STXBP3: variants seen among roughly 807,000 people sequenced by gnomAD.
The protein encoded by STXBP3 is syntaxin binding protein 3.
A neutral mutation model predicts 85.7 loss-of-function variants in STXBP3; 41 were observed. That is an observed-to-expected ratio of 0.48 (90% CI 0.37 to 0.62). The LOEUF is 0.62. STXBP3 is among the 20% of genes least tolerant of loss of function. The pLI is 0.00. For missense variants in STXBP3, 563 were observed against 703.1 expected, an observed-to-expected ratio of 0.80 and a Z score of 2.25; for synonymous variants, 229 against 231.7, an observed-to-expected ratio of 0.99 and a Z score of 0.10.
chr1:108,753,300 T>A, intron 3 of STXBP3, 156 bp downstream of exon 3: 1 of 466,152 alleles, frequency 2.1e-6, no homozygotes, highest in Non-Finnish European at 3.6e-6. Flanking sequence ...CTGAATCTTC[T>A]GTCAGTTTTT....
chr1:108,777,359 T>A (rs1344205850), intron 8 of STXBP3, among the ~76,000 whole-genome samples: 2 of 152,058 alleles, frequency 1.3e-5, no homozygotes, highest in African/African-American at 4.8e-5. Flanking sequence ...AGGGAGTTCA[T>A]TGCATGGAAA....
At position 108,796,381 on chromosome 1, in the gene STXBP3, G is replaced by T; in HGVS notation, c.1249+9G>T. 1 of 1,458,566 alleles carries T rather than the reference G, an allele frequency of 6.9e-7. No homozygotes were observed. The highest frequency in any genetic ancestry group is 1.2e-5 in the South Asian group (1 of 82,798). The allele number at this position is 1,458,566 out of a possible 1,614,324, so 90.4% of individuals were successfully genotyped here. On this transcript the variant is annotated intron_variant, in intron 14 of 18. Coordinates refer to ENST00000370008, the MANE Select transcript of STXBP3 (RefSeq NM_007269.4). ...TATCTTCAGTATTAATGGTAATGGA[G>T]ATAATCACTTTTTAATAAGTATTTT...
At chr1:108,758,381 A>G (rs1662063110) in intron 4 of STXBP3, 129 bp from the exon 5 acceptor site, 2 of 435,572 alleles carry the variant, frequency 4.6e-6, no homozygotes, top group Non-Finnish European at 8.1e-6. Context: ...AAATCAGTTT[A>G]TAAATTAAAC....
chr1:108,804,838 C>T (rs1407570480), intron 17 of STXBP3, among the ~76,000 whole-genome samples: 1 of 152,202 alleles, frequency 6.6e-6, no homozygotes, highest in Non-Finnish European at 1.5e-5. Context: ...CCAATCTGTA[C>T]CTTGCACAGT....
chr1:108,773,992 C>T (rs1022480915), intron 7 of STXBP3, among the ~76,000 whole-genome samples: 1 of 152,190 alleles, frequency 6.6e-6, no homozygotes, highest in African/African-American at 2.4e-5. Flanking sequence ...TCAGAGGCCT[C>T]TCTTGTGATC....
intron 17 of STXBP3, 45 bp from the exon 18 acceptor site, chr1:108,807,356 A>G (rs1416505941): frequency 1.3e-6 from 2 of 1,566,754 alleles, no homozygotes; most frequent in Non-Finnish European, 1.7e-6. Flanking sequence ...GGCTTTGGAA[A>G]TGTTTATAAC....
intron 18 of STXBP3, among the ~76,000 whole-genome samples, chr1:108,807,900 T>C (rs1663377364): frequency 6.6e-6 from 1 of 152,292 alleles, no homozygotes. Flanking sequence ...TTAAACAAAC[T>C]CTAAATGCAA....
chr1:108,802,684 A>G (rs551236017), intron 17 of STXBP3, among the ~76,000 whole-genome samples: 5 of 152,330 alleles, frequency 3.3e-5, no homozygotes, highest in South Asian at 2.1e-4. Context: ...TTGTCTGCCT[A>G]TGGTTTCCAG....
At chr1:108,799,085 G>A (rs1038692706) in intron 16 of STXBP3, among the ~76,000 whole-genome samples, 2 of 152,112 alleles carry the variant, frequency 1.3e-5, no homozygotes, top group East Asian at 1.9e-4. Context: ...CTGATTCTTC[G>A]GTCATGATCA....
At chr1:108,765,037 T>A (rs1433904674) in intron 6 of STXBP3, among the ~76,000 whole-genome samples, 1 of 152,180 alleles carries the variant, frequency 6.6e-6, no homozygotes, top group Non-Finnish European at 1.5e-5. Context: ...CTTTAATCCA[T>A]CTCGAGTTGA....
chr1:108,750,072 TC>T (rs1661869244), intron 1 of STXBP3, among the ~76,000 whole-genome samples: 1 of 152,012 alleles, frequency 6.6e-6, no homozygotes, highest in Admixed American at 6.6e-5. Flanking sequence ...ACAATGCAGT[TC>T]TAAGGTTTCA....
At chr1:108,787,220 C>T (rs963403786) in intron 11 of STXBP3, among the ~76,000 whole-genome samples, 4 of 152,116 alleles carry the variant, frequency 2.6e-5, no homozygotes, top group African/African-American at 9.7e-5. Context: ...TCCCCCCACC[C>T]TTGCCTCCCT....
chr1:108,763,512 A>G (rs371565382), intron 6 of STXBP3, among the ~76,000 whole-genome samples: 11 of 152,220 alleles, frequency 7.2e-5, no homozygotes, highest in African/African-American at 2.2e-4. Context: ...GATAAGGCAG[A>G]TGGTAACTCT....
intron 6 of STXBP3, among the ~76,000 whole-genome samples, chr1:108,770,485 C>A (rs1013179494): frequency 4.1e-5 from 3 of 72,986 alleles, no homozygotes; most frequent in African/African-American, 1.6e-4. Context: ...ATTAATACAG[C>A]ATCCTAGCCT....
chr1:108,785,970 C>G (rs1051661003), intron 11 of STXBP3, among the ~76,000 whole-genome samples: 1 of 152,210 alleles, frequency 6.6e-6, no homozygotes, highest in Non-Finnish European at 1.5e-5. Context: ...AACTTTCCCA[C>G]ATTTTCCTGT....
intron 15 of STXBP3, among the ~76,000 whole-genome samples, chr1:108,797,798 CG>C (rs1354558182): frequency 6.6e-6 from 1 of 151,262 alleles, no homozygotes; most frequent in African/African-American, 2.4e-5. Context: ...TGCAGTGGCT[CG>C]ATCTCGGCTC....
At chr1:108,776,124 A>G (rs553306583) in intron 7 of STXBP3, among the ~76,000 whole-genome samples, 9 of 152,268 alleles carry the variant, frequency 5.9e-5, no homozygotes, top group Admixed American at 3.3e-4. Flanking sequence ...AATCTGAAGC[A>G]GATATGATAA....
intron 1 of STXBP3, among the ~76,000 whole-genome samples, chr1:108,747,309 T>G (rs573571708): frequency 6.6e-6 from 1 of 152,378 alleles, no homozygotes; most frequent in African/African-American, 2.4e-5. Flanking sequence ...CAGACTCATC[T>G]TCCCCTATTC....
chr1:108,784,651 T>C (rs1362210073), intron 11 of STXBP3, among the ~76,000 whole-genome samples: 1 of 152,024 alleles, frequency 6.6e-6, no homozygotes, highest in Non-Finnish European at 1.5e-5. Context: ...AACAGTCCCC[T>C]ACAGTCTTAA....
Sources: gnomAD v4.1 joint callset for allele counts (sites outside exome capture counted in the v4.1 genomes callset) on GRCh38, gnomAD v4.1.1 for gene constraint, MANE v1.5 for transcripts, NCBI Gene and HGNC (gene_info 2026-07-23, HGNC 2026-07-21) for gene names.